PIK3R3: variants seen among roughly 807,000 people sequenced by gnomAD.
The protein encoded by PIK3R3 is phosphoinositide-3-kinase regulatory subunit 3.
PIK3R3 carries 64 observed loss-of-function variants against 62.9 expected under a neutral mutation model. The observed-to-expected ratio is 1.02, with a 90% CI of 0.83 to 1.25. The LOEUF (loss-of-function observed/expected upper bound fraction) is 1.25. Ranked by LOEUF, PIK3R3 falls within the 50% of genes most tolerant of loss-of-function variation. The pLI, the probability that PIK3R3 is intolerant of heterozygous loss-of-function variation, is 0.00. For missense variants in PIK3R3, 614 were observed against 561.6 expected, an observed-to-expected ratio of 1.09 and a Z score of -0.94; for synonymous variants, 165 against 189.0, an observed-to-expected ratio of 0.87 and a Z score of 1.04.
At chr1:46,171,399 A>G in the PIK3R3 span, among the ~76,000 whole-genome samples, 1 of 152,140 alleles carries the variant, frequency 6.6e-6, no homozygotes, top group South Asian at 2.1e-4. Flanking sequence ...CTGAATGGGT[A>G]GGTGTGGGAA....
At chr1:46,065,398 GCTAA>G (rs935129895) in intron 5 of PIK3R3, among the ~76,000 whole-genome samples, 17 of 152,186 alleles carry the variant, frequency 1.1e-4, no homozygotes, top group African/African-American at 3.6e-4. Context: ...AAACTGTGTA[GCTAA>G]CTAAGTCTAC....
chr1:46,163,966 G>C, the PIK3R3 span, among the ~76,000 whole-genome samples: 1 of 152,130 alleles, frequency 6.6e-6, no homozygotes, highest in African/African-American at 2.4e-5. Flanking sequence ...AGACCACAAA[G>C]GGAGATGCAC....
chr1:46,127,356 A>AAAAT (rs1553157058), intron 1 of PIK3R3, among the ~76,000 whole-genome samples: 3 of 133,962 alleles, frequency 2.2e-5, no homozygotes, highest in African/African-American at 8.3e-5. Flanking sequence ...AAAAAAAAAA[A>AAAAT]ATATATATAT....
At chr1:46,133,588 C>T (rs1247027977), upstream of PIK3R3, among the ~76,000 whole-genome samples, 1 of 152,194 alleles carries the variant, frequency 6.6e-6, no homozygotes, top group Admixed American at 6.5e-5. Flanking sequence ...TGCCACCTTA[C>T]CACTCAGGGA....
At chr1:46,059,515 CTTTATA>C (rs1407975588) in intron 6 of PIK3R3, among the ~76,000 whole-genome samples, 5 of 152,186 alleles carry the variant, frequency 3.3e-5, no homozygotes, top group Non-Finnish European at 7.3e-5. Flanking sequence ...CAATATGTGG[CTTTATA>C]TTACTATTAA....
At chr1:46,144,843 G>C in the PIK3R3 span, among the ~76,000 whole-genome samples, 1 of 151,966 alleles carries the variant, frequency 6.6e-6, no homozygotes, top group African/African-American at 2.4e-5. Context: ...ACTGGGTTGA[G>C]GCTGGGCACG....
intron 1 of PIK3R3, among the ~76,000 whole-genome samples, chr1:46,098,507 C>A (rs1339872540): frequency 6.6e-6 from 1 of 152,010 alleles, no homozygotes; most frequent in African/African-American, 2.4e-5. Flanking sequence ...ATTGTTTAGC[C>A]ATAAAAAGGA....
In PIK3R3 at chr1:46,066,075, T is replaced by G. The variant is rs1421594249; in HGVS notation, c.600A>C (p.Glu200Asp). The G allele has an allele frequency of 1.2e-6, 2 of 1,609,120 alleles. No homozygotes were observed. The highest frequency in any genetic ancestry group is 1.7e-6 in the Non-Finnish European group (2 of 1,175,872). The change falls in exon 5 of 10, where the codon GAA becomes GAC. Residue 200 changes from glutamate (E) to aspartate (D), a missense_variant. Physicochemically the swap from Glu to Asp is conservative, Grantham distance 45. Coordinates refer to ENST00000262741, the MANE Select transcript of PIK3R3 (RefSeq NM_003629.4). ...EKSKEYDRLYEEYTRTSQEIQ... is the reference protein window; with the variant it reads ...EKSKEYDRLYDEYTRTSQEIQ... ...CAACCTGGGATGTTCTAGTATATTC[T>G]TCATACAGCCTATCATACTCTTTAC...
intron 1 of PIK3R3, among the ~76,000 whole-genome samples, chr1:46,120,178 C>T (rs1654537673): frequency 6.6e-6 from 1 of 152,136 alleles, no homozygotes; most frequent in Non-Finnish European, 1.5e-5. Context: ...TAACTGTAAA[C>T]CAGAGATGTT....
chr1:46,065,701 A>G (rs1408018701), intron 5 of PIK3R3, among the ~76,000 whole-genome samples: 1 of 152,214 alleles, frequency 6.6e-6, no homozygotes, highest in Non-Finnish European at 1.5e-5. Context: ...TATTAGAGTA[A>G]GCCCTCTTCC....
intron 7 of PIK3R3, among the ~76,000 whole-genome samples, chr1:46,049,566 T>C (rs1474539794): frequency 2.0e-5 from 3 of 152,232 alleles, no homozygotes; most frequent in Admixed American, 6.5e-5. Flanking sequence ...ATGAGATTAC[T>C]GTGAAGGACA....
intron 1 of PIK3R3, among the ~76,000 whole-genome samples, chr1:46,090,336 A>G (rs755355543): frequency 2.6e-5 from 4 of 151,028 alleles, no homozygotes; most frequent in Non-Finnish European, 4.4e-5. Flanking sequence ...TTATTTATTT[A>G]TTTATTTATT....
rs1470133166 is a variant in PIK3R3 at position 46,077,742 on chromosome 1, C to T, written c.216-129G>A. On this transcript the variant is annotated intron_variant, in intron 2 of 9. Coordinates refer to ENST00000262741, the MANE Select transcript of PIK3R3 (RefSeq NM_003629.4). The stretch of plus-strand genomic sequence containing the variant: ...AGGTGTGCCTGAGGTTATAGAATAA[C>T]GGAGCCATTTAGAGGTCATTTAGTT... 3.3e-6 allele frequency: 2 copies of T among 614,292 alleles called. 1 individual carries two copies. Among genetic ancestry groups the T allele is most frequent in the South Asian group, 3.8e-5 (2 of 53,072 alleles). The allele number at this position is 614,292 out of a possible 1,614,324, so 38.1% of individuals were successfully genotyped here.
Position 46,132,016 on chromosome 1 carries a change from A to T in PIK3R3, c.-64T>A, listed in dbSNP as rs1243425173. On this transcript the variant is annotated 5_prime_UTR_variant, in exon 1 of 10. Coordinates refer to ENST00000262741, the MANE Select transcript of PIK3R3 (RefSeq NM_003629.4). ...GGCATATATTTTTTATCTGGTATTT[A>T]AAAATCTAAAAATATATATCTGCAA... The T allele has an allele frequency of 4.4e-6, 7 of 1,577,544 alleles. No individual in the cohort carries two copies. The Admixed American group carries it at 9.3e-5, about 21-fold the overall frequency.
upstream of PIK3R3, chr1:46,132,824 GC>G: frequency 8.2e-7 from 1 of 1,218,796 alleles, no homozygotes; most frequent in Non-Finnish European, 1.1e-6. Flanking sequence ...TCAAAAAGCT[GC>G]TCTCCATCTC....
the PIK3R3 span, among the ~76,000 whole-genome samples, chr1:46,168,401 G>A: frequency 1.3e-5 from 2 of 152,098 alleles, no homozygotes; most frequent in Non-Finnish European, 2.9e-5. Flanking sequence ...GGAGTGTTGG[G>A]GACAGCAGTG....
intron 3 of PIK3R3, among the ~76,000 whole-genome samples, chr1:46,071,712 A>ATATATATATAT (rs1553148026): frequency 4.1e-5 from 1 of 24,650 alleles, no homozygotes; most frequent in Non-Finnish European, 7.8e-5. Context: ...AAAAAAAAAA[A>ATATATATATAT]ATATATATAT....
chr1:46,096,102 T>C (rs1408136436), intron 1 of PIK3R3, among the ~76,000 whole-genome samples: 2 of 152,214 alleles, frequency 1.3e-5, no homozygotes, highest in Admixed American at 6.5e-5. Flanking sequence ...TAATTATATG[T>C]TCTAGGGCTT....
Position 46,080,691 on chromosome 1 carries a change from T to G in PIK3R3, c.166A>C (p.Ser56Arg), listed in dbSNP as rs1414039173. Reference protein sequence around the residue: ...TSAVPNGMKDSSVSLQDAEWY... With the variant: ...TSAVPNGMKDRSVSLQDAEWY... ...TCTGCATCCTGAAGAGAAACAGAAC[T>G]GTCCTTCATTCCATTTGGAACTGCT... is the stretch of plus-strand genomic sequence containing the variant. The change falls in exon 2 of 10, where the codon AGT becomes CGT. Residue 56 changes from serine (S) to arginine (R), a missense_variant. Physicochemically the swap from Ser to Arg is moderately radical, Grantham distance 110 (BLOSUM62 -1). Coordinates refer to ENST00000262741, the MANE Select transcript of PIK3R3 (RefSeq NM_003629.4). 6.2e-7 allele frequency: 1 copy of G among 1,613,974 alleles called. No individual in the cohort carries two copies. The highest frequency in any genetic ancestry group is 8.5e-7 in the Non-Finnish European group (1 of 1,179,796).
Sources: gnomAD v4.1 joint callset for allele counts (sites outside exome capture counted in the v4.1 genomes callset) on GRCh38, gnomAD v4.1.1 for gene constraint, MANE v1.5 for transcripts, NCBI Gene and HGNC (gene_info 2026-07-23, HGNC 2026-07-21) for gene names.